Variants in EYS observed in about 807,000 individuals in gnomAD.
The protein encoded by EYS is EGF-like photoreceptor maintenance factor.
EYS carries 250 observed loss-of-function variants against 282.1 expected under a neutral mutation model. The observed-to-expected ratio is 0.89, with a 90% confidence interval of 0.80 to 0.98. The LOEUF (loss-of-function observed/expected upper bound fraction) is 0.98. EYS is among the 50% of genes least tolerant of loss of function. The pLI is 0.00. For missense variants in EYS, 4,016 were observed against 3,709.0 expected (o/e 1.08, Z -2.15); for synonymous variants, 1,355 against 1,282.9 (o/e 1.06, Z -1.20).
intron 35 of EYS, among the ~76,000 whole-genome samples, chr6:63,943,451 G>A (rs985882377): frequency 6.6e-6 from 1 of 152,110 alleles, no homozygotes; most frequent in African/African-American, 2.4e-5. Flanking sequence ...GCTTGATTCT[G>A]CATGAAAATA....
intron 26 of EYS, among the ~76,000 whole-genome samples, chr6:64,462,473 T>C (rs1775779757): frequency 1.3e-5 from 2 of 152,170 alleles, no homozygotes; most frequent in South Asian, 4.1e-4. Flanking sequence ...TGTCAGCACA[T>C]AGATGGTTTG....
At position 65,405,313 on chromosome 6, in the gene EYS, C is replaced by A; in HGVS notation, c.917G>T (p.Arg306Ile). ...KPCVSLLFWKRGICPNSSSAY... is the reference protein window; with the variant it reads ...KPCVSLLFWKIGICPNSSSAY... ...AGAACTGCTATTTGGGCAAATTCCT[C>A]TTTTCCAAAAAAGCAGAGAAACACA... Residue 306 changes from arginine (R) to isoleucine (I), a missense_variant, in exon 6 of 43, where the codon AGA becomes ATA. Transcript: ENST00000503581. 6.2e-7 allele frequency: 1 copy of A among 1,612,654 alleles called. No homozygotes were observed. Among genetic ancestry groups the A allele is most frequent in the Non-Finnish European group, 8.5e-7 (1 of 1,179,422 alleles).
At chr6:65,610,800 T>C (rs1765972195) in intron 2 of EYS, among the ~76,000 whole-genome samples, 1 of 152,120 alleles carries the variant, frequency 6.6e-6, no homozygotes, top group Non-Finnish European at 1.5e-5. Flanking sequence ...CTAATTACTT[T>C]TTAAAATATC....
At chr6:65,699,673 C>G (rs986947540) in intron 1 of EYS, among the ~76,000 whole-genome samples, 1 of 152,230 alleles carries the variant, frequency 6.6e-6, no homozygotes, top group East Asian at 1.9e-4. Context: ...CATGAACATT[C>G]TTCTGTAAAA....
chr6:64,841,093 T>C (rs1004984872), intron 19 of EYS, among the ~76,000 whole-genome samples: 1 of 152,146 alleles, frequency 6.6e-6, no homozygotes, highest in African/African-American at 2.4e-5. Flanking sequence ...CAGCCAAAGA[T>C]ACATGTTTTA....
rs150559878 is a variant in EYS at position 64,404,423 on chromosome 6, G to A, written c.5928-15583C>T. ...TGTGTGTGTGTGTGTGCACGCACGC[G>A]TGTGAGCTTTTAAGAGGAAATAGGG... On this transcript the variant is annotated intron_variant, in intron 28 of 42. Coordinates refer to ENST00000503581, the MANE Select transcript of EYS (RefSeq NM_001142800.2). Among the ~76,000 whole-genome samples, 1,244 of 152,044 alleles carry A rather than the reference G, an allele frequency of 8.2e-3. 59 individuals carry two copies. Among genetic ancestry groups the A allele is most frequent in the Admixed American group, 0.076 (1,159 of 15,258 alleles).
intron 26 of EYS, among the ~76,000 whole-genome samples, chr6:64,536,896 T>C (rs1764534107): frequency 6.6e-6 from 1 of 151,908 alleles, no homozygotes; most frequent in African/African-American, 2.4e-5. Context: ...GATTATATGA[T>C]TTTTAATTTA....
intron 26 of EYS, among the ~76,000 whole-genome samples, chr6:64,488,456 T>C (rs1368491283): frequency 6.6e-6 from 1 of 151,102 alleles, no homozygotes; most frequent in Non-Finnish European, 1.5e-5. Context: ...GGACACCCAG[T>C]TTACTGTGTT....
In EYS at chr6:65,284,795, C is replaced by T. The variant is rs533158405; in HGVS notation, c.2023+11068G>A. 5.3e-5 allele frequency among the ~76,000 whole-genome samples: 8 copies of T among 152,002 alleles called. No homozygotes were observed. In the South Asian group the frequency reaches 6.2e-4, roughly 12 times the overall value. On this transcript the variant is annotated intron_variant, in intron 12 of 42. Coordinates refer to ENST00000503581, the MANE Select transcript of EYS (RefSeq NM_001142800.2). ...TCCATAATACATAACTTTGTTGAAG[C>T]GTATTTAAAAATACCTAACTTATTG...
chr6:64,510,130 A>T (rs76032334), intron 26 of EYS, among the ~76,000 whole-genome samples: 3,272 of 152,256 alleles, frequency 0.021, 60 homozygotes, highest in African/African-American at 0.053. Context: ...AATTATTTAG[A>T]TCTAAAAAAA....
intron 10 of EYS, 25 bp from the exon 11 acceptor site, chr6:65,335,171 T>A (rs200079430): frequency 6.6e-7 from 1 of 1,517,942 alleles, no homozygotes; most frequent in East Asian, 2.3e-5. Context: ...GAAGTAAAAA[T>A]GTTATGAATT....
At chr6:64,956,001 G>A (rs1016833601) in intron 14 of EYS, among the ~76,000 whole-genome samples, 5 of 151,858 alleles carry the variant, frequency 3.3e-5, no homozygotes, top group Non-Finnish European at 7.4e-5. Flanking sequence ...AAGGAATAGA[G>A]AAACTGCAAT....
At chr6:63,836,809 A>G (rs899247488) in intron 36 of EYS, among the ~76,000 whole-genome samples, 3 of 152,118 alleles carry the variant, frequency 2.0e-5, no homozygotes, top group Non-Finnish European at 4.4e-5. Flanking sequence ...TAGCACACTC[A>G]TTAATGCAAT....
At chr6:65,285,314 A>G (rs564657263) in intron 12 of EYS, among the ~76,000 whole-genome samples, 6 of 152,004 alleles carry the variant, frequency 3.9e-5, no homozygotes, top group Non-Finnish European at 7.4e-5. Flanking sequence ...ATTTAAATTA[A>G]AGACAATCAA....
At chr6:65,138,279 G>T (rs1776077893) in intron 12 of EYS, among the ~76,000 whole-genome samples, 1 of 152,020 alleles carries the variant, frequency 6.6e-6, no homozygotes, top group African/African-American at 2.4e-5. Flanking sequence ...ACAGTTAAAT[G>T]ATAATATAGA....
intron 5 of EYS, among the ~76,000 whole-genome samples, chr6:65,480,019 G>T (rs1765550141): frequency 6.8e-6 from 1 of 147,946 alleles, no homozygotes; most frequent in Non-Finnish European, 1.5e-5. Context: ...AAAAAAATTG[G>T]CTGTGCATGG....
In EYS at chr6:65,119,630, C is replaced by CT. The variant is rs3036008; in HGVS notation, c.2024-61904dup. On this transcript the variant is annotated intron_variant, in intron 12 of 42. Coordinates refer to ENST00000503581, the MANE Select transcript of EYS (RefSeq NM_001142800.2). Reference sequence around the variant, plus strand: ...TTTTAAAATTTCTTAGCCTTTTTATCTTTTTTTTTTTTTTGCCTAAATCAG... The same window carrying CT: ...TTTTAAAATTTCTTAGCCTTTTTATCTTTTTTTTTTTTTTTGCCTAAATCAG... Among the ~76,000 whole-genome samples, 664 of 135,302 alleles carry CT rather than the reference C, an allele frequency of 4.9e-3. 6 individuals carry two copies. Among genetic ancestry groups the CT allele is most frequent in the South Asian group, 0.018 (80 of 4,390 alleles). 88.8% of individuals were successfully genotyped at this position (135,302 alleles called of 152,430 possible).
intron 29 of EYS, among the ~76,000 whole-genome samples, chr6:64,327,706 G>T (rs530593415): frequency 2.6e-5 from 4 of 152,202 alleles, no homozygotes; most frequent in South Asian, 4.1e-4. Flanking sequence ...AGATTGCAAG[G>T]CATCAGTAAA....
intron 5 of EYS, among the ~76,000 whole-genome samples, chr6:65,481,894 G>T (rs919373746): frequency 6.6e-6 from 1 of 151,954 alleles, no homozygotes; most frequent in Admixed American, 6.6e-5. Flanking sequence ...TTTATAGTAG[G>T]GTGGAGAACA....
Sources: gnomAD v4.1 joint callset for allele counts (sites outside exome capture counted in the v4.1 genomes callset) on GRCh38, gnomAD v4.1.1 for gene constraint, MANE v1.5 for transcripts, NCBI Gene and HGNC (gene_info 2026-07-23, HGNC 2026-07-21) for gene names.